The following PUM1 variants were observed in gnomAD, a reference collection of about 807,000 sequenced individuals.
PUM1 encodes pumilio homolog 1.
PUM1 carries 13 observed loss-of-function variants against 131.8 expected under a neutral mutation model. The observed-to-expected ratio is 0.10, with a 90% CI of 0.06 to 0.16. The LOEUF is 0.16. Among genes scored for constraint, PUM1 ranks in the 10% least tolerant of loss-of-function variants. PUM1 has a pLI of 1.00. For synonymous variants in PUM1, 509 were observed against 556.5 expected, an observed-to-expected ratio of 0.91 and a Z score of 1.20; for missense variants, 961 against 1,512.4, an observed-to-expected ratio of 0.64 and a Z score of 6.05.
intron 2 of PUM1, among the ~76,000 whole-genome samples, chr1:31,048,537 C>A (rs187810967): frequency 2.0e-5 from 3 of 150,798 alleles, no homozygotes; most frequent in Non-Finnish European, 4.4e-5. Flanking sequence ...TGCAATGGTG[C>A]GATCTCGGCT....
intron 20 of PUM1, among the ~76,000 whole-genome samples, chr1:30,940,722 C>T (rs909415766): frequency 6.6e-6 from 1 of 152,168 alleles, no homozygotes; most frequent in Admixed American, 6.6e-5. Flanking sequence ...GGAATAACTA[C>T]TGCATTTCAT....
intron 6 of PUM1, 49 bp downstream of exon 6, chr1:30,995,004 CA>C: frequency 1.9e-6 from 3 of 1,554,074 alleles, no homozygotes; most frequent in Non-Finnish European, 2.6e-6. Flanking sequence ...TCAAAACAAA[CA>C]AAATCCCATA....
chr1:30,954,596 A>C (rs561042215), intron 14 of PUM1, among the ~76,000 whole-genome samples: 1 of 152,122 alleles, frequency 6.6e-6, no homozygotes, highest in Non-Finnish European at 1.5e-5. Context: ...AAAATGAAAA[A>C]TTTTCGAGTT....
chr1:30,993,738 G>T (rs975074638), intron 6 of PUM1, among the ~76,000 whole-genome samples: 1 of 152,070 alleles, frequency 6.6e-6, no homozygotes, highest in African/African-American at 2.4e-5. Context: ...AAGACCTTAG[G>T]TAAGTATTTA....
chr1:31,013,501 T>C (rs1477576327), intron 3 of PUM1, among the ~76,000 whole-genome samples: 2 of 152,224 alleles, frequency 1.3e-5, no homozygotes, highest in African/African-American at 4.8e-5. Context: ...AGTTTGATCA[T>C]GTTATTATCT....
At chr1:30,988,105 T>C (rs1641637355) in intron 7 of PUM1, among the ~76,000 whole-genome samples, 1 of 152,218 alleles carries the variant, frequency 6.6e-6, no homozygotes, top group African/African-American at 2.4e-5. Flanking sequence ...TTCTGAGAAG[T>C]AGTCCACATG....
chr1:31,022,805 G>A (rs1643078379), intron 3 of PUM1, among the ~76,000 whole-genome samples: 1 of 152,126 alleles, frequency 6.6e-6, no homozygotes, highest in African/African-American at 2.4e-5. Flanking sequence ...AGAACAAGAT[G>A]TCAAAAAAAT....
intron 18 of PUM1, among the ~76,000 whole-genome samples, chr1:30,943,300 T>C (rs1006856317): frequency 1.3e-5 from 2 of 152,188 alleles, no homozygotes; most frequent in African/African-American, 4.8e-5. Context: ...TTCACTCTTG[T>C]TGCCTAGGCT....
intron 1 of PUM1, among the ~76,000 whole-genome samples, chr1:31,063,583 C>G (rs551092564): frequency 6.6e-6 from 1 of 152,018 alleles, no homozygotes; most frequent in Non-Finnish European, 1.5e-5. Context: ...CACGCATGTA[C>G]AAATTACACT....
At chr1:30,993,534 C>T (rs1299713125) in intron 6 of PUM1, among the ~76,000 whole-genome samples, 1 of 151,934 alleles carries the variant, frequency 6.6e-6, no homozygotes, top group Admixed American at 6.6e-5. Flanking sequence ...TCTTCTCCAC[C>T]TCCAACCCCC....
At chr1:30,980,019 T>C (rs773933393) in intron 9 of PUM1, 43 bp downstream of exon 9, 3 of 1,402,134 alleles carry the variant, frequency 2.1e-6, no homozygotes, top group African/African-American at 1.4e-5. Context: ...TCAAATGACT[T>C]TTCAGCAGGT....
intron 3 of PUM1, among the ~76,000 whole-genome samples, chr1:31,009,626 C>T (rs553834038): frequency 1.7e-4 from 26 of 151,746 alleles, no homozygotes; most frequent in African/African-American, 4.8e-4. Context: ...AAATTAGCTG[C>T]GTATGGTGGT....
intron 5 of PUM1, among the ~76,000 whole-genome samples, chr1:31,001,829 C>T (rs1642227043): frequency 6.6e-6 from 1 of 152,168 alleles, no homozygotes; most frequent in Non-Finnish European, 1.5e-5. Context: ...AATCATTAGA[C>T]TCTTTGTCCA....
intron 3 of PUM1, among the ~76,000 whole-genome samples, chr1:31,015,940 T>C (rs1306396228): frequency 6.6e-6 from 1 of 152,218 alleles, no homozygotes; most frequent in Non-Finnish European, 1.5e-5. Flanking sequence ...CCCAACGTGC[T>C]GGGATTACAG....
Position 31,029,897 on chromosome 1 carries a change from G to C in PUM1, c.364-1033C>G, listed in dbSNP as rs114341319. ...CCACTGGACTCCAATCTAGGTAACAGAGGGAGATCCTTTTTCAAAAAAAAA... is the reference window on the plus strand; with the variant it reads ...CCACTGGACTCCAATCTAGGTAACACAGGGAGATCCTTTTTCAAAAAAAAA... On this transcript the variant is annotated intron_variant, in intron 2 of 21. Coordinates refer to ENST00000426105, the MANE Select transcript of PUM1 (RefSeq NM_001020658.2). Among the ~76,000 whole-genome samples the C allele has an allele frequency of 1.1e-3, 148 of 133,082 alleles. 1 individual carries two copies. Among genetic ancestry groups the C allele is most frequent in the African/African-American group, 3.9e-3 (134 of 34,010 alleles). The allele number at this position is 133,082 out of a possible 152,430, so 87.3% of individuals were successfully genotyped here.
chr1:31,010,388 A>G (rs1642567562), intron 3 of PUM1, among the ~76,000 whole-genome samples: 1 of 152,212 alleles, frequency 6.6e-6, no homozygotes, highest in African/African-American at 2.4e-5. Context: ...AAGACAAGTC[A>G]TGGGATGTTC....
chr1:30,955,894 C>T (rs918737504), intron 14 of PUM1, among the ~76,000 whole-genome samples: 9 of 152,186 alleles, frequency 5.9e-5, no homozygotes, highest in African/African-American at 2.2e-4. Context: ...GTCCTAAGCC[C>T]AATTCTATGT....
chr1:31,018,797 C>A (rs1390284626), intron 3 of PUM1, among the ~76,000 whole-genome samples: 1 of 152,184 alleles, frequency 6.6e-6, no homozygotes, highest in Admixed American at 6.5e-5. Context: ...GGAATCTATT[C>A]TGCAGAGACA....
intron 7 of PUM1, 139 bp downstream of exon 7, chr1:30,992,251 T>A: frequency 8.7e-7 from 1 of 1,149,346 alleles, no homozygotes; most frequent in Non-Finnish European, 1.2e-6. Flanking sequence ...TAAACCTACA[T>A]CACTAACAGG....
Sources: gnomAD v4.1 joint callset for allele counts (sites outside exome capture counted in the v4.1 genomes callset) on GRCh38, gnomAD v4.1.1 for gene constraint, MANE v1.5 for transcripts, NCBI Gene and HGNC (gene_info 2026-07-23, HGNC 2026-07-21) for gene names.